NFIX: variants seen among roughly 807,000 people sequenced by gnomAD.
NFIX encodes the protein nuclear factor I X, also known as nuclear factor 1 X-type.
NFIX carries 2 observed loss-of-function variants against 53.3 expected under a neutral mutation model. The ratio of observed to expected loss-of-function variants is 0.04; its 90% CI spans 0.02 to 0.12. NFIX has a LOEUF of 0.12. Among genes scored for constraint, NFIX ranks in the 10% least tolerant of loss-of-function variants. The pLI, the probability that NFIX is intolerant of heterozygous loss-of-function variation, is 1.00. For missense variants in NFIX, 310 were observed against 674.5 expected (o/e 0.46, Z 5.99); for synonymous variants, 244 against 289.0 (o/e 0.84, Z 1.58).
At chr19:13,055,720 G>A (rs777201052) in intron 2 of NFIX, among the ~76,000 whole-genome samples, 1 of 152,164 alleles carries the variant, frequency 6.6e-6, no homozygotes, top group Non-Finnish European at 1.5e-5. Flanking sequence ...GGAGTGTCGC[G>A]TGAGGCCAGC....
In NFIX at chr19:13,081,637, C is replaced by G. The variant is rs1042994062; in HGVS notation, c.1079-43C>G. ...CTCCTGTCCCTCCCACTGGCTGCCT[C>G]CTTGGCCCTGACGCCCTTTTTTCCC... On this transcript the variant is annotated intron_variant, in intron 7 of 10. Transcript: ENST00000592199. This position sits in a 1 kb window ranked among gnomAD's most constrained non-coding sequence, Gnocchi z 4.7. The G allele has an allele frequency of 6.3e-7, 1 of 1,597,080 alleles. No individual in the cohort carries two copies. The highest frequency in any genetic ancestry group is 2.2e-5 in the East Asian group (1 of 44,650).
In NFIX at chr19:12,998,857, A is replaced by G. The variant is rs991842088; in HGVS notation, c.27+2993A>G. On this transcript the variant is annotated intron_variant, in intron 1 of 10. Coordinates refer to ENST00000592199, the MANE Select transcript of NFIX (RefSeq NM_001365902.3). The surrounding 1 kb of genome is among the most constrained non-coding windows in gnomAD (Gnocchi z 4.4). ...ATTGGTGTAGGCTTAGCGACACAGC[A>G]GTACCTCTTTGACGCACGTATGGAC... Among the ~76,000 whole-genome samples, 2 of 152,214 alleles carry G rather than the reference A, an allele frequency of 1.3e-5. No individual in the cohort carries two copies. Among genetic ancestry groups the G allele is most frequent in the African/African-American group, 2.4e-5 (1 of 41,452 alleles).
intron 2 of NFIX, among the ~76,000 whole-genome samples, chr19:13,055,801 T>C (rs2015643656): frequency 6.6e-6 from 1 of 152,142 alleles, no homozygotes. Flanking sequence ...CCTCTCTCTC[T>C]GTAGGGCAGG....
chr19:13,072,412 A>G lies in NFIX; in HGVS notation c.560-635A>G, dbSNP rs1245239454. 6.6e-6 allele frequency among the ~76,000 whole-genome samples: 1 copy of G among 152,248 alleles called. No homozygotes were observed. The highest frequency in any genetic ancestry group is 1.5e-5 in the Non-Finnish European group (1 of 68,044). ...ACAGAGCGGGCGACAGCGTCAGGGC[A>G]GACCTCCCCCCTCTGGGTTGCCAGG... is the stretch of plus-strand genomic sequence containing the variant. On this transcript the variant is annotated intron_variant, in intron 2 of 10. Coordinates refer to ENST00000592199, the MANE Select transcript of NFIX (RefSeq NM_001365902.3). The surrounding 1 kb of genome is among the most constrained non-coding windows in gnomAD (Gnocchi z 4.0).
At chr19:13,026,982 G>A (rs1425207142) in intron 2 of NFIX, among the ~76,000 whole-genome samples, 1 of 152,190 alleles carries the variant, frequency 6.6e-6, no homozygotes, top group African/African-American at 2.4e-5. Context: ...AAGTTGGGAG[G>A]AATGATATAA....
intron 2 of NFIX, among the ~76,000 whole-genome samples, chr19:13,035,275 G>C (rs1221413846): frequency 6.6e-6 from 1 of 152,200 alleles, no homozygotes; most frequent in African/African-American, 2.4e-5. Flanking sequence ...CGCTTTTCCG[G>C]ATAGCAGAGC....
In NFIX at chr19:13,078,329, C is replaced by T. The variant is rs1214861396; in HGVS notation, c.956-284C>T. 6.6e-6 allele frequency among the ~76,000 whole-genome samples: 1 copy of T among 152,214 alleles called. No individual in the cohort carries two copies. Among genetic ancestry groups the T allele is most frequent in the Non-Finnish European group, 1.5e-5 (1 of 68,032 alleles). On this transcript the variant is annotated intron_variant, in intron 6 of 10. Coordinates refer to ENST00000592199, the MANE Select transcript of NFIX (RefSeq NM_001365902.3). This position sits in a 1 kb window ranked among gnomAD's most constrained non-coding sequence, Gnocchi z 4.7. Reference sequence around the variant, plus strand: ...CTGCTTGCCAGGGCATAGGCTGGGGCCCTTGCTCACCCCCTGCCTGGCACA... The same window carrying T: ...CTGCTTGCCAGGGCATAGGCTGGGGTCCTTGCTCACCCCCTGCCTGGCACA...
chr19:13,004,063 C>T (rs765217566), intron 1 of NFIX, among the ~76,000 whole-genome samples: 8 of 152,126 alleles, frequency 5.3e-5, no homozygotes, highest in Non-Finnish European at 1.2e-4. Context: ...AGCCACCATG[C>T]CCAACCTGGA....
Position 12,996,902 on chromosome 19 carries a change from C to T in NFIX, c.27+1038C>T, listed in dbSNP as rs898534918. ...CCACCCAACTCTCCCTGGGCTGTGG[C>T]CTGAGGCTCTAAGAGGGCACAGAAG... On this transcript the variant is annotated intron_variant, in intron 1 of 10. Coordinates refer to ENST00000592199, the MANE Select transcript of NFIX (RefSeq NM_001365902.3). This position sits in a 1 kb window ranked among gnomAD's most constrained non-coding sequence, Gnocchi z 5.2. Among the ~76,000 whole-genome samples, 1 of 152,274 alleles carries T rather than the reference C, an allele frequency of 6.6e-6. No homozygotes were observed. The highest frequency in any genetic ancestry group is 1.5e-5 in the Non-Finnish European group (1 of 68,046).
chr19:13,010,865 T>TC (rs764424490), intron 1 of NFIX, among the ~76,000 whole-genome samples: 3 of 151,822 alleles, frequency 2.0e-5, no homozygotes, highest in Non-Finnish European at 4.4e-5. Flanking sequence ...TAATTCCACC[T>TC]CCCCCATCCC....
At chr19:13,003,510 C>T (rs1347630751) in intron 1 of NFIX, among the ~76,000 whole-genome samples, 2 of 152,214 alleles carry the variant, frequency 1.3e-5, no homozygotes, top group African/African-American at 4.8e-5. Flanking sequence ...TACACCCGCA[C>T]ATGCCACCAA....
intron 8 of NFIX, chr19:13,082,103 C>T (rs1348147154): frequency 1.9e-6 from 1 of 523,852 alleles, no homozygotes; most frequent in Non-Finnish European, 3.4e-6. Context: ...CTCAGTCAGG[C>T]TCCTTGCCTT....
intron 2 of NFIX, among the ~76,000 whole-genome samples, chr19:13,039,022 A>G (rs761053013): frequency 1.7e-4 from 26 of 152,164 alleles, no homozygotes; most frequent in Non-Finnish European, 3.1e-4. Context: ...GGCTCCGAAC[A>G]CAAAGGCCAT....
rs1288248251 is a variant in NFIX at position 13,001,114 on chromosome 19, G to T, written c.27+5250G>T. On this transcript the variant is annotated intron_variant, in intron 1 of 10. Transcript: ENST00000592199. The surrounding 1 kb of genome is among the most constrained non-coding windows in gnomAD (Gnocchi z 6.5). ...CCCAGCTGGGGTGGGGAAAAGGAGG[G>T]GGGTGTCTTAATTTTCTTGCCCCCA... is the stretch of plus-strand genomic sequence containing the variant. Among the ~76,000 whole-genome samples, 2 of 152,196 alleles carry T rather than the reference G, an allele frequency of 1.3e-5. No homozygotes were observed. The highest frequency in any genetic ancestry group is 2.4e-5 in the African/African-American group (1 of 41,438).
intron 2 of NFIX, among the ~76,000 whole-genome samples, chr19:13,058,227 C>T (rs979118686): frequency 2.6e-5 from 4 of 152,132 alleles, no homozygotes; most frequent in African/African-American, 9.7e-5. Flanking sequence ...CTAAGCAGGA[C>T]ACCTTTCCAG....
intron 2 of NFIX, among the ~76,000 whole-genome samples, chr19:13,032,034 C>T (rs1475613688): frequency 1.3e-5 from 2 of 152,114 alleles, no homozygotes; most frequent in Non-Finnish European, 2.9e-5. Flanking sequence ...CTTCAGTGTC[C>T]GATTCAGAAG....
Position 13,045,678 on chromosome 19 carries a change from A to G in NFIX, c.559+20126A>G, listed in dbSNP as rs759227913. Among the ~76,000 whole-genome samples, 1 of 152,134 alleles carries G rather than the reference A, an allele frequency of 6.6e-6. No individual in the cohort carries two copies. The highest frequency in any genetic ancestry group is 1.5e-5 in the Non-Finnish European group (1 of 68,018). ...GGGCAGCAGGCACACTGGGTTGACA[A>G]CTGCACTGTGTTGACCCCATGGCGG... On this transcript the variant is annotated intron_variant, in intron 2 of 10. Coordinates refer to ENST00000592199, the MANE Select transcript of NFIX (RefSeq NM_001365902.3). The surrounding 1 kb of genome is among the most constrained non-coding windows in gnomAD (Gnocchi z 4.4).
chr19:13,012,553 C>T lies in NFIX; in HGVS notation c.28-12468C>T, dbSNP rs1000301387. Among the ~76,000 whole-genome samples, 32 of 151,980 alleles carry T rather than the reference C, an allele frequency of 2.1e-4. No homozygotes were observed. Among genetic ancestry groups the T allele is most frequent in the Middle Eastern group, 3.4e-3 (1 of 294 alleles). On this transcript the variant is annotated intron_variant, in intron 1 of 10. Coordinates refer to ENST00000592199, the MANE Select transcript of NFIX (RefSeq NM_001365902.3). The surrounding 1 kb of genome is among the most constrained non-coding windows in gnomAD (Gnocchi z 5.0). ...CCGCCGCCAAAAGGGGCTCCGATGT[C>T]GGCATTTTTGCCTTAAGGCTAGTTT... is the stretch of plus-strand genomic sequence containing the variant.
At chr19:13,086,478 TAAAG>T (rs1475027270) in intron 8 of NFIX, among the ~76,000 whole-genome samples, 4 of 152,184 alleles carry the variant, frequency 2.6e-5, no homozygotes, top group South Asian at 2.1e-4. Flanking sequence ...AGTTGTGAAA[TAAAG>T]AGAATAGAGC....
Sources: allele counts gnomAD v4.1 joint callset (sites outside exome capture counted in the v4.1 genomes callset), GRCh38; gene constraint gnomAD v4.1.1; non-coding constraint Gnocchi (gnomAD v3.1); transcripts MANE v1.5; gene names NCBI Gene and HGNC (gene_info 2026-07-23, HGNC 2026-07-21).